Variants in TRIO observed in about 807,000 individuals in gnomAD.
TRIO encodes trio Rho guanine nucleotide exchange factor, also known as triple functional domain protein.
A neutral mutation model predicts 351.9 loss-of-function variants in TRIO; 58 were observed. The observed-to-expected ratio is 0.16, with a 90% CI of 0.13 to 0.21. The LOEUF (loss-of-function observed/expected upper bound fraction) is 0.21, where lower values mean the gene tolerates loss of function less well. Among genes scored for constraint, TRIO ranks in the 10% least tolerant of loss-of-function variants. The pLI is 1.00. For missense variants in TRIO, 3,201 were observed against 4,027.8 expected, an observed-to-expected ratio of 0.79 and a Z score of 5.56; for synonymous variants, 1,758 against 1,595.7, an observed-to-expected ratio of 1.10 and a Z score of -2.42.
intron 1 of TRIO, among the ~76,000 whole-genome samples, chr5:14,155,955 T>C (rs1269700498): frequency 6.6e-6 from 1 of 152,254 alleles, no homozygotes; most frequent in Non-Finnish European, 1.5e-5. Context: ...TGATTTTTTT[T>C]CTAACTTTGT....
intron 1 of TRIO, among the ~76,000 whole-genome samples, chr5:14,214,367 G>A (rs1027033868): frequency 6.6e-6 from 1 of 152,152 alleles, no homozygotes; most frequent in African/African-American, 2.4e-5. Flanking sequence ...GCAGAGAACC[G>A]AGGCTGTTTG....
chr5:14,390,534 C>T (rs1056040415), intron 26 of TRIO: 4 of 565,154 alleles, frequency 7.1e-6, no homozygotes, highest in Non-Finnish European at 9.3e-6. Context: ...GCCAGGTCTC[C>T]GCTTGACCCT....
At chr5:14,476,995 C>A (rs1755128848) in intron 41 of TRIO, 32 bp downstream of exon 41, 2 of 1,578,456 alleles carry the variant, frequency 1.3e-6, no homozygotes, top group Non-Finnish European at 1.7e-6. Flanking sequence ...ATATCCTGTT[C>A]TGATGGTGTC....
At chr5:14,298,335 G>A (rs1737545658) in intron 7 of TRIO, among the ~76,000 whole-genome samples, 1 of 152,220 alleles carries the variant, frequency 6.6e-6, no homozygotes, top group African/African-American at 2.4e-5. Flanking sequence ...AAGGTGAGCA[G>A]CACAGTGAGT....
At chr5:14,390,514 T>A in intron 26 of TRIO, 1 of 587,186 alleles carries the variant, frequency 1.7e-6, no homozygotes, top group Non-Finnish European at 3.0e-6. Flanking sequence ...TGAAATAGAA[T>A]ATTTAGTGTG....
In TRIO at chr5:14,387,448, A is replaced by G; in HGVS notation, c.3581A>G (p.Glu1194Gly). 1 of 1,607,148 alleles carries G rather than the reference A, an allele frequency of 6.2e-7. No homozygotes were observed. The highest frequency in any genetic ancestry group is 8.5e-7 in the Non-Finnish European group (1 of 1,176,256). The change falls in exon 22 of 57, where the codon GAG becomes GGG. Residue 1194 changes from glutamate to glycine, a missense_variant. Around this residue, in one of 19 missense-constraint regions of TRIO, gnomAD observed 201 missense variants for 266.5 expected, o/e 0.75. Coordinates refer to ENST00000344204, the MANE Select transcript of TRIO (RefSeq NM_007118.4). ...EFQITAKQTKERVKLLIQLAD... is the reference protein window; with the variant it reads ...EFQITAKQTKGRVKLLIQLAD... Reference sequence around the variant, plus strand: ...TGTTGTTTTTTGCAGCAAACCAAAGAGAGAGTGAAGCTATTGATACAGCTG... The same window carrying G: ...TGTTGTTTTTTGCAGCAAACCAAAGGGAGAGTGAAGCTATTGATACAGCTG...
chr5:14,382,728 G>A (rs1316188973), intron 21 of TRIO, among the ~76,000 whole-genome samples: 4 of 152,156 alleles, frequency 2.6e-5, no homozygotes, highest in Non-Finnish European at 5.9e-5. Flanking sequence ...CACATTATAT[G>A]ATCCGTATTT....
intron 23 of TRIO, 151 bp downstream of exon 23, chr5:14,387,998 C>G (rs778806932): frequency 4.3e-6 from 3 of 698,416 alleles, no homozygotes; most frequent in Non-Finnish European, 7.3e-6. Flanking sequence ...GCACAGACTT[C>G]GCTGCGTTCA....
intron 1 of TRIO, among the ~76,000 whole-genome samples, chr5:14,160,719 C>T (rs1216839731): frequency 6.6e-6 from 1 of 152,178 alleles, no homozygotes; most frequent in Non-Finnish European, 1.5e-5. Flanking sequence ...TGTTAGCTCC[C>T]ATTTATCACA....
intron 1 of TRIO, among the ~76,000 whole-genome samples, chr5:14,157,151 G>A (rs1227921031): frequency 6.6e-6 from 1 of 152,172 alleles, no homozygotes; most frequent in African/African-American, 2.4e-5. Context: ...GAGTTCATGT[G>A]TTGGAGTAAG....
Position 14,437,694 on chromosome 5 carries a change from C to A in TRIO, c.5203+17673C>A, listed in dbSNP as rs757039682. Among the ~76,000 whole-genome samples, 16 of 136,790 alleles carry A rather than the reference C, an allele frequency of 1.2e-4. 1 individual carries two copies. Among genetic ancestry groups the A allele is most frequent in the East Asian group, 4.1e-4 (2 of 4,858 alleles). The allele number at this position is 136,790 out of a possible 152,430, so 89.7% of individuals were successfully genotyped here. On this transcript the variant is annotated intron_variant, in intron 34 of 56. Coordinates refer to ENST00000344204, the MANE Select transcript of TRIO (RefSeq NM_007118.4). ...CATATTGGATGAGGACCACCCCCCC[C>A]GCCCCAAGGACCTCATTTTAACTCT...
At chr5:14,366,794 C>A in intron 15 of TRIO, 66 bp from the exon 16 acceptor site, 1 of 1,606,116 alleles carries the variant, frequency 6.2e-7, no homozygotes, top group Non-Finnish European at 8.5e-7. Context: ...TTGTATCTCA[C>A]CCCTGGTGGT....
chr5:14,269,251 C>T (rs1416164157), intron 1 of TRIO, among the ~76,000 whole-genome samples: 2 of 152,144 alleles, frequency 1.3e-5, no homozygotes, highest in African/African-American at 4.8e-5. Flanking sequence ...TACACGTGGA[C>T]GTATTCTATG....
At position 14,394,073 on chromosome 5, in the gene TRIO, T is replaced by G. The variant is rs765316023; in HGVS notation, c.4254T>G (p.Ile1418Met). The change falls in exon 28 of 57, where the codon ATT becomes ATG. Residue 1418 changes from isoleucine (I) to methionine (M), a missense_variant. Transcript: ENST00000344204. ...IQQRHGLANSISSYLIKPVQR... is the reference protein window; with the variant it reads ...IQQRHGLANSMSSYLIKPVQR... ...AGCGACATGGATTAGCCAATTCCATTTCTTCCTACCTTATTAAACCAGTTC... is the reference window on the plus strand; with the variant it reads ...AGCGACATGGATTAGCCAATTCCATGTCTTCCTACCTTATTAAACCAGTTC... 1 of 1,613,440 alleles carries G rather than the reference T, an allele frequency of 6.2e-7. No individual in the cohort carries two copies. Among genetic ancestry groups the G allele is most frequent in the Non-Finnish European group, 8.5e-7 (1 of 1,179,676 alleles).
At chr5:14,477,110 A>G in intron 41 of TRIO, 147 bp downstream of exon 41, 1 of 680,076 alleles carries the variant, frequency 1.5e-6, no homozygotes. Context: ...ATGAGTTGGA[A>G]TTAAAATCCC....
At chr5:14,251,503 C>T (rs1321443654) in intron 1 of TRIO, among the ~76,000 whole-genome samples, 3 of 152,212 alleles carry the variant, frequency 2.0e-5, no homozygotes, top group Non-Finnish European at 4.4e-5. Context: ...GTTGGTGCTG[C>T]CGTCTTGGCG....
rs748706115 is a variant in TRIO, at chr5:14,487,994, C to A, written c.7366C>A (p.Pro2456Thr). 5 of 1,564,924 alleles carry A rather than the reference C, an allele frequency of 3.2e-6. No individual in the cohort carries two copies. The highest frequency in any genetic ancestry group is 4.3e-6 in the Non-Finnish European group (5 of 1,156,096). Reference sequence around the variant, plus strand: ...GAAGCCCCGGGCCGGGGCCGCTTCGCCGCTGAACTCGCCGCTCTCCAGCGC... The same window carrying A: ...GAAGCCCCGGGCCGGGGCCGCTTCGACGCTGAACTCGCCGCTCTCCAGCGC... ...LGKPRAGAASPLNSPLSSAVP... is the reference protein window; with the variant it reads ...LGKPRAGAASTLNSPLSSAVP... Residue 2456 changes from proline to threonine, a missense_variant, in exon 48 of 57, where the codon CCG becomes ACG. Coordinates refer to ENST00000344204, the MANE Select transcript of TRIO (RefSeq NM_007118.4).
At chr5:14,270,318 C>T (rs1458261076) in intron 1 of TRIO, among the ~76,000 whole-genome samples, 2 of 152,210 alleles carry the variant, frequency 1.3e-5, no homozygotes, top group East Asian at 3.9e-4. Flanking sequence ...AAGCCAGGCC[C>T]CAGCTATTTA....
At chr5:14,436,796 C>T (rs192478807) in intron 34 of TRIO, among the ~76,000 whole-genome samples, 6 of 152,314 alleles carry the variant, frequency 3.9e-5, no homozygotes, top group South Asian at 2.1e-4. Flanking sequence ...ATCCAGGTCA[C>T]GCTGATAGGT....
Sources: allele counts gnomAD v4.1 joint callset (sites outside exome capture counted in the v4.1 genomes callset), GRCh38; gene constraint gnomAD v4.1.1; regional missense constraint gnomAD v4.1.1; transcripts MANE v1.5; gene names NCBI Gene and HGNC (gene_info 2026-07-23, HGNC 2026-07-21).